The following CEP350 variants were observed in gnomAD, a reference collection of about 807,000 sequenced individuals.
CEP350 encodes the protein centrosome-associated protein 350.
Under a neutral mutation model 331.8 loss-of-function variants are expected in CEP350, and 126 were observed. The ratio of observed to expected loss-of-function variants is 0.38; its 90% CI spans 0.33 to 0.44. The LOEUF (loss-of-function observed/expected upper bound fraction) is 0.44. Ranked by LOEUF, CEP350 falls within the 20% of genes least tolerant of loss-of-function variation. The probability of loss-of-function intolerance (pLI) is 1.00; values close to 1 mark genes in which losing one functional copy is unlikely to be tolerated. For synonymous variants in CEP350, 1,200 were observed against 1,259.5 expected, an observed-to-expected ratio of 0.95 and a Z score of 1.00; for missense variants, 3,406 against 3,634.6, an observed-to-expected ratio of 0.94 and a Z score of 1.62.
chr1:180,097,164 C>T (rs1280741065), intron 36 of CEP350, among the ~76,000 whole-genome samples: 2 of 152,210 alleles, frequency 1.3e-5, no homozygotes, highest in African/African-American at 4.8e-5. Context: ...GGCCCATAAG[C>T]CAAATCCAGG....
rs1050891966 is a variant in CEP350, at chr1:180,080,687, A to G, written c.6124+26A>G. On this transcript the variant is annotated intron_variant, in intron 30 of 37. Transcript: ENST00000367607. ...GTAAGACTAATCATGAGGAGTTTTT[A>G]TTTGTGTTGTATTTGAACAGCCTTT... is the stretch of plus-strand genomic sequence containing the variant. The G allele has an allele frequency of 1.9e-6, 3 of 1,603,824 alleles. No homozygotes were observed. In the South Asian group the frequency reaches 3.3e-5, roughly 18 times the overall value.
At chr1:180,003,141 A>T (rs747472292) in intron 6 of CEP350, 33 bp from the exon 7 acceptor site, 7 of 1,375,166 alleles carry the variant, frequency 5.1e-6, no homozygotes, top group South Asian at 1.3e-5. Context: ...AGCAACTTTG[A>T]TAAGAATATT....
chr1:179,966,635 T>C (rs1651035070), intron 1 of CEP350, among the ~76,000 whole-genome samples: 2 of 152,138 alleles, frequency 1.3e-5, no homozygotes, highest in African/African-American at 4.8e-5. Context: ...CTGAAATTGG[T>C]ACCCCCTTCA....
Position 180,020,684 on chromosome 1 carries a change from AGCCAAAATATCTCTT to A in CEP350, c.2912_2926del (p.Ala971_Leu975del). The A allele has an allele frequency of 9.9e-6, 16 of 1,614,018 alleles. No individual in the cohort carries two copies. Among genetic ancestry groups the A allele is most frequent in the Non-Finnish European group, 1.4e-5 (16 of 1,179,884 alleles). On this transcript the variant is annotated inframe_deletion, in exon 12 of 38. Coordinates refer to ENST00000367607, the MANE Select transcript of CEP350 (RefSeq NM_014810.5). ...ATATGCAAGCCTGTTCTCAAGACAA[AGCCAAAATATCTCTT>A]GGTTCCAGCATAGATTCAGTCAGTG...
chr1:180,080,806 C>T, intron 30 of CEP350, 145 bp downstream of exon 30: 1 of 587,136 alleles, frequency 1.7e-6, no homozygotes, highest in East Asian at 2.6e-5. Flanking sequence ...AGATTAATAC[C>T]ATATTGAATA....
rs1343161458 is a variant in CEP350, at chr1:180,114,755, G to A, written c.*3594G>A. Reference sequence around the variant, plus strand: ...CACCGAACACTTAAGGGTGTGGTTTGTAAGTACGATCTGTAAAATAACTGG... The same window carrying A: ...CACCGAACACTTAAGGGTGTGGTTTATAAGTACGATCTGTAAAATAACTGG... On this transcript the variant is annotated 3_prime_UTR_variant, in exon 38 of 38. Transcript: ENST00000367607. 1 of 152,644 alleles carries A rather than the reference G, an allele frequency of 6.6e-6. No individual in the cohort carries two copies. The highest frequency in any genetic ancestry group is 1.5e-5 in the Non-Finnish European group (1 of 68,040). 9.5% of individuals were successfully genotyped at this position (152,644 alleles called of 1,614,324 possible).
chr1:180,078,682 A>G lies in CEP350; in HGVS notation c.5979+8A>G. On this transcript the variant is annotated splice_region_variant and intron_variant, in intron 29 of 37. Coordinates refer to ENST00000367607, the MANE Select transcript of CEP350 (RefSeq NM_014810.5). ...ACCTCTCCTAGTAAACATGTAAGTT[A>G]ATGTATATTTATATCTTAAAGATTC... 1 of 1,582,544 alleles carries G rather than the reference A, an allele frequency of 6.3e-7. No homozygotes were observed. Among genetic ancestry groups the G allele is most frequent in the African/African-American group, 1.4e-5 (1 of 73,930 alleles).
chr1:180,000,215 C>T (rs1388974479), intron 6 of CEP350, among the ~76,000 whole-genome samples: 1 of 152,080 alleles, frequency 6.6e-6, no homozygotes, highest in African/African-American at 2.4e-5. Context: ...GAAAGACTCT[C>T]ATAGGGATAA....
At chr1:180,052,092 C>A in intron 22 of CEP350, 1 of 385,026 alleles carries the variant, frequency 2.6e-6, no homozygotes, top group South Asian at 1.9e-5. Context: ...TGTGCACACA[C>A]GTATACATGG....
chr1:180,007,839 CGT>C (rs71118426), intron 8 of CEP350, among the ~76,000 whole-genome samples: 18,785 of 140,870 alleles, frequency 0.13, 1,272 homozygotes, highest in African/African-American at 0.18. Flanking sequence ...TTTTATGTAT[CGT>C]GTGTGTGTGT....
chr1:180,053,332 C>G (rs967073716), intron 23 of CEP350, among the ~76,000 whole-genome samples, 166 bp downstream of exon 23: 1 of 152,230 alleles, frequency 6.6e-6, no homozygotes, highest in African/African-American at 2.4e-5. Flanking sequence ...ACTTTCCTTA[C>G]AAAGTACAAT....
At position 180,094,606 on chromosome 1, in the gene CEP350, G is replaced by A; in HGVS notation, c.8501G>A (p.Cys2834Tyr). The part of the protein sequence containing the change: ...EKEEISSPDM[C>Y]PRPESPVFGA... ...GAAGAGATTTCCTCTCCAGATATGT[G>A]TCCCAGACCGGTGAGTATTTCGTCT... Residue 2834 changes from cysteine to tyrosine, a missense_variant, in exon 34 of 38, where the codon TGT becomes TAT. Coordinates refer to ENST00000367607, the MANE Select transcript of CEP350 (RefSeq NM_014810.5). 4 of 1,610,364 alleles carry A rather than the reference G, an allele frequency of 2.5e-6. No individual in the cohort carries two copies. Among genetic ancestry groups the A allele is most frequent in the Non-Finnish European group, 3.4e-6 (4 of 1,178,674 alleles).
intron 32 of CEP350, among the ~76,000 whole-genome samples, chr1:180,088,498 TAAAC>T (rs527835412): frequency 8.9e-4 from 135 of 151,270 alleles, no homozygotes; most frequent in African/African-American, 3.1e-3. Context: ...GAAGGAAAAA[TAAAC>T]AAAAGCCAAA....
rs565602403 is a variant in CEP350, at chr1:179,991,265, T to A, written c.235+644T>A. On this transcript the variant is annotated intron_variant, in intron 4 of 37. Transcript: ENST00000367607. Reference sequence around the variant, plus strand: ...CTGTCATAAATTGATACAATGCAAATTTTTCTTGGGTTACCTTTTGTATTT... The same window carrying A: ...CTGTCATAAATTGATACAATGCAAAATTTTCTTGGGTTACCTTTTGTATTT... 4.2e-4 allele frequency among the ~76,000 whole-genome samples: 64 copies of A among 151,734 alleles called. 1 individual carries two copies. The highest frequency in any genetic ancestry group is 1.4e-3 in the African/African-American group (59 of 41,434).
rs184513845 is a variant in CEP350, at chr1:179,963,090, G to T, written c.-14+7948G>T. Among the ~76,000 whole-genome samples the T allele has an allele frequency of 4.1e-3, 626 of 152,040 alleles. 2 individuals are homozygous for T. The highest frequency in any genetic ancestry group is 0.014 in the Middle Eastern group (4 of 294). ...TTCTGAGCATTTTTTTCATATGTTT[G>T]TTGGCCACTTGTATGTCTTCTTTTG... On this transcript the variant is annotated intron_variant, in intron 1 of 37. Coordinates refer to ENST00000367607, the MANE Select transcript of CEP350 (RefSeq NM_014810.5).
rs1460073891 is a variant in CEP350, at chr1:180,089,568, G to A, written c.6426-1146G>A. Among the ~76,000 whole-genome samples the A allele has an allele frequency of 4.8e-5, 7 of 146,340 alleles. 1 individual carries two copies. Among genetic ancestry groups the A allele is most frequent in the African/African-American group, 1.5e-4 (6 of 39,258 alleles). ...ATTGCACCCCAGCCTGGGCAACAGAGCAAGACTCCATCTCAAAAAAAAAAA... is the reference window on the plus strand; with the variant it reads ...ATTGCACCCCAGCCTGGGCAACAGAACAAGACTCCATCTCAAAAAAAAAAA... On this transcript the variant is annotated intron_variant, in intron 32 of 37. Transcript: ENST00000367607.
chr1:179,976,944 G>T (rs1558073706), intron 1 of CEP350, among the ~76,000 whole-genome samples: 1 of 152,172 alleles, frequency 6.6e-6, no homozygotes, highest in Non-Finnish European at 1.5e-5. Context: ...CTGGAAAATT[G>T]TCAAGAACAA....
intron 29 of CEP350, 80 bp from the exon 30 acceptor site, chr1:180,080,437 A>G: frequency 1.7e-6 from 2 of 1,201,924 alleles, no homozygotes; most frequent in Admixed American, 2.0e-5. Flanking sequence ...TTATCTTTAT[A>G]TGGCTAGTAT....
chr1:180,006,938 C>T (rs918450775), intron 8 of CEP350, among the ~76,000 whole-genome samples: 1 of 152,172 alleles, frequency 6.6e-6, no homozygotes, highest in East Asian at 1.9e-4. Flanking sequence ...AGGACATGAA[C>T]TCATCCTTTT....
Sources: allele counts gnomAD v4.1 joint callset (sites outside exome capture counted in the v4.1 genomes callset), GRCh38; gene constraint gnomAD v4.1.1; transcripts MANE v1.5; gene names NCBI Gene and HGNC (gene_info 2026-07-23, HGNC 2026-07-21).